Variants in VIPR2 observed in about 807,000 individuals in gnomAD.
VIPR2 encodes the protein vasoactive intestinal peptide receptor 2, also known as vasoactive intestinal polypeptide receptor 2.
In VIPR2, 48 loss-of-function variants were observed where a neutral mutation model predicts 58.0. The ratio of observed to expected loss-of-function variants is 0.83; its 90% CI spans 0.66 to 1.05. The LOEUF (loss-of-function observed/expected upper bound fraction) is 1.05, where lower values mean the gene tolerates loss of function less well. Ranked by LOEUF, VIPR2 falls within the 50% of genes least tolerant of loss-of-function variation. The pLI is 0.00. For synonymous variants in VIPR2, 243 were observed against 235.2 expected, an observed-to-expected ratio of 1.03 and a Z score of -0.30; for missense variants, 534 against 558.0, an observed-to-expected ratio of 0.96 and a Z score of 0.43.
At chr7:159,118,606 G>C (rs1796333637) in intron 2 of VIPR2, among the ~76,000 whole-genome samples, 1 of 152,232 alleles carries the variant, frequency 6.6e-6, no homozygotes, top group African/African-American at 2.4e-5. Context: ...TCAATGGCAG[G>C]CATGAGCCCA....
At chr7:159,110,387 C>A (rs193095413) in intron 2 of VIPR2, among the ~76,000 whole-genome samples, 1 of 152,284 alleles carries the variant, frequency 6.6e-6, no homozygotes, top group South Asian at 2.1e-4. Context: ...CTTAGGTTAC[C>A]TTCATGGAGT....
intron 4 of VIPR2, among the ~76,000 whole-genome samples, chr7:159,061,651 G>A (rs1855660136): frequency 6.9e-6 from 1 of 145,904 alleles, no homozygotes; most frequent in Non-Finnish European, 1.5e-5. Flanking sequence ...AGGACCTGTC[G>A]CAAAAAAAAA....
chr7:159,131,192 A>G (rs1357850501), intron 2 of VIPR2, among the ~76,000 whole-genome samples: 3 of 152,224 alleles, frequency 2.0e-5, no homozygotes, highest in Non-Finnish European at 4.4e-5. Context: ...GACAGACCAG[A>G]GAAGAGAAAA....
rs1483901381 is a variant in VIPR2 at position 159,080,784 on chromosome 7, T to A, written c.358-22206A>T. ...TTCAGCAAAGTCTCAGGATACAAAA[T>A]CAATGTGCAAAAATCACAAGCATTC... On this transcript the variant is annotated intron_variant, in intron 4 of 12. Coordinates refer to ENST00000262178, the MANE Select transcript of VIPR2 (RefSeq NM_003382.5). Among the ~76,000 whole-genome samples the A allele has an allele frequency of 2.0e-5, 3 of 152,084 alleles. No homozygotes were observed. The East Asian group carries it at 5.8e-4, about 29-fold the overall frequency.
intron 8 of VIPR2, among the ~76,000 whole-genome samples, chr7:159,035,535 G>A (rs149287971): frequency 2.4e-4 from 37 of 152,368 alleles, no homozygotes; most frequent in African/African-American, 6.5e-4. Flanking sequence ...GTGGAAAAGC[G>A]CTCTGGGCCG....
At chr7:159,033,441 C>T (rs546242214) in intron 10 of VIPR2, among the ~76,000 whole-genome samples, 2 of 152,330 alleles carry the variant, frequency 1.3e-5, no homozygotes, top group South Asian at 4.1e-4. Context: ...CACTTCCACA[C>T]CAAGCCAGTG....
intron 10 of VIPR2, 107 bp from the exon 11 acceptor site, chr7:159,032,174 C>G (rs1345675300): frequency 1.7e-5 from 25 of 1,477,242 alleles, no homozygotes; most frequent in Non-Finnish European, 2.1e-5. Context: ...AGGGGCTCCA[C>G]ACCTCCTCTC....
chr7:159,121,538 G>A (rs538925624), intron 2 of VIPR2, among the ~76,000 whole-genome samples: 3 of 152,240 alleles, frequency 2.0e-5, no homozygotes, highest in African/African-American at 7.2e-5. Context: ...CAGAAGTTAC[G>A]TATGATTTCT....
Position 159,121,174 on chromosome 7 carries a change from ACCTC to A in VIPR2, c.152-11259_152-11256del, listed in dbSNP as rs371441926. Among the ~76,000 whole-genome samples, 837 of 149,742 alleles carry A rather than the reference ACCTC, an allele frequency of 5.6e-3. 8 individuals are homozygous for A. Among genetic ancestry groups the A allele is most frequent in the African/African-American group, 0.017 (688 of 40,376 alleles). ...ACCTGCTCAGGAGACCTGGGTGGTC[ACCTC>A]CCTCCCTCCCTCCCTCCCTCCATGC... On this transcript the variant is annotated intron_variant, in intron 2 of 12. Transcript: ENST00000262178.
At chr7:159,058,708 T>C (rs1855466610) in intron 4 of VIPR2, 130 bp from the exon 5 acceptor site, 2 of 668,608 alleles carry the variant, frequency 3.0e-6, no homozygotes, top group Admixed American at 5.9e-5. Context: ...CACGAGATAG[T>C]CTCGCTTTAT....
chr7:159,075,222 C>T (rs575923323), intron 4 of VIPR2, among the ~76,000 whole-genome samples: 2 of 152,334 alleles, frequency 1.3e-5, no homozygotes, highest in South Asian at 2.1e-4. Flanking sequence ...CTCAGCTCAG[C>T]TCAAAATCTA....
rs1465876044 is a variant in VIPR2 at position 159,095,434 on chromosome 7, G to A, written c.357+8323C>T. 6.6e-6 allele frequency among the ~76,000 whole-genome samples: 1 copy of A among 152,186 alleles called. No homozygotes were observed. The highest frequency in any genetic ancestry group is 2.4e-5 in the African/African-American group (1 of 41,442). On this transcript the variant is annotated intron_variant, in intron 4 of 12. Transcript: ENST00000262178. This position sits in a 1 kb window ranked among gnomAD's most constrained non-coding sequence, Gnocchi z 5.2. ...TCTTGCAACTAACTTCAAAACAGCTGCTAAGAAAGATACAGCAGAGAGAAT... is the reference window on the plus strand; with the variant it reads ...TCTTGCAACTAACTTCAAAACAGCTACTAAGAAAGATACAGCAGAGAGAAT...
At chr7:159,136,327 C>T (rs533490928) in intron 2 of VIPR2, among the ~76,000 whole-genome samples, 5 of 152,142 alleles carry the variant, frequency 3.3e-5, no homozygotes, top group Non-Finnish European at 7.3e-5. Context: ...AACCCACTTA[C>T]GAGGGCAGAG....
At position 159,095,653 on chromosome 7, in the gene VIPR2, C is replaced by T. The variant is rs1480405185; in HGVS notation, c.357+8104G>A. ...GGGAGAACAGGAGTGTCACCGGAAG[C>T]CCCAGACTCAAGGCCCTGCTGTTCT... On this transcript the variant is annotated intron_variant, in intron 4 of 12. Transcript: ENST00000262178. The surrounding 1 kb of genome is among the most constrained non-coding windows in gnomAD (Gnocchi z 5.2). Among the ~76,000 whole-genome samples, 2 of 152,192 alleles carry T rather than the reference C, an allele frequency of 1.3e-5. No homozygotes were observed. The highest frequency in any genetic ancestry group is 4.8e-5 in the African/African-American group (2 of 41,436).
chr7:159,092,447 C>A (rs1232580770), intron 4 of VIPR2, among the ~76,000 whole-genome samples: 2 of 152,096 alleles, frequency 1.3e-5, no homozygotes, highest in African/African-American at 4.8e-5. Context: ...AGGAGGGGTT[C>A]TGGGTTCTGG....
chr7:159,096,829 G>T lies in VIPR2; in HGVS notation c.357+6928C>A. On this transcript the variant is annotated intron_variant, in intron 4 of 12. Transcript: ENST00000262178. This position sits in a 1 kb window ranked among gnomAD's most constrained non-coding sequence, Gnocchi z 5.5. The stretch of plus-strand genomic sequence containing the variant: ...AGCCACAGGCCCAGCTCTTGTCCCG[G>T]CCCACCTCGGGATGCTTCCGCCGTA... 2.0e-6 allele frequency: 3 copies of T among 1,471,376 alleles called. No homozygotes were observed. Among genetic ancestry groups the T allele is most frequent in the Non-Finnish European group, 9.1e-7 (1 of 1,100,864 alleles). 91.1% of individuals were successfully genotyped at this position (1,471,376 alleles called of 1,614,324 possible). A position where few individuals can be genotyped will look rare whatever the true frequency, so the allele number is the denominator to read the frequency against.
chr7:159,097,134 A>C lies in VIPR2; in HGVS notation c.357+6623T>G. 2 of 1,473,398 alleles carry C rather than the reference A, an allele frequency of 1.4e-6. No individual in the cohort carries two copies. The highest frequency in any genetic ancestry group is 1.8e-6 in the Non-Finnish European group (2 of 1,104,632). 91.3% of individuals were successfully genotyped at this position (1,473,398 alleles called of 1,614,324 possible). On this transcript the variant is annotated intron_variant, in intron 4 of 12. Coordinates refer to ENST00000262178, the MANE Select transcript of VIPR2 (RefSeq NM_003382.5). The surrounding 1 kb of genome is among the most constrained non-coding windows in gnomAD (Gnocchi z 5.3). ...GCGGGATGATCAGATGGTGCCTCCCACAAAGGCATCTGCAGTGCCAGCTGC... is the reference window on the plus strand; with the variant it reads ...GCGGGATGATCAGATGGTGCCTCCCCCAAAGGCATCTGCAGTGCCAGCTGC...
intron 4 of VIPR2, among the ~76,000 whole-genome samples, chr7:159,067,408 A>G (rs1180804152): frequency 1.3e-5 from 2 of 152,190 alleles, no homozygotes; most frequent in African/African-American, 2.4e-5. Context: ...ATAAAGCATG[A>G]TCTATTTGAA....
At position 159,034,320 on chromosome 7, in the gene VIPR2, T is replaced by G; in HGVS notation, c.880-16A>C. The G allele has an allele frequency of 6.2e-7, 1 of 1,612,178 alleles. No individual in the cohort carries two copies. The highest frequency in any genetic ancestry group is 8.5e-7 in the Non-Finnish European group (1 of 1,178,730). The stretch of plus-strand genomic sequence containing the variant: ...CAAAATTGACCTGCACAAGAGATAA[T>G]AAGTTTGTGAAACAGACACGTGGAT... On this transcript the variant is annotated splice_polypyrimidine_tract_variant and intron_variant, in intron 9 of 12. Coordinates refer to ENST00000262178, the MANE Select transcript of VIPR2 (RefSeq NM_003382.5).
Sources: allele counts gnomAD v4.1 joint callset (sites outside exome capture counted in the v4.1 genomes callset), GRCh38; gene constraint gnomAD v4.1.1; non-coding constraint Gnocchi (gnomAD v3.1); transcripts MANE v1.5; gene names NCBI Gene and HGNC (gene_info 2026-07-23, HGNC 2026-07-21).